Variants in SMAD2 observed in about 807,000 individuals in gnomAD.
SMAD2 encodes the protein MAD homolog 2.
A neutral mutation model predicts 64.4 loss-of-function variants in SMAD2; 8 were observed. The observed-to-expected ratio is 0.12, with a 90% CI of 0.07 to 0.22. SMAD2 has a LOEUF of 0.22. Ranked by LOEUF, SMAD2 falls within the 10% of genes least tolerant of loss-of-function variation. SMAD2 has a pLI of 1.00. For synonymous variants in SMAD2, 203 were observed against 195.8 expected, an observed-to-expected ratio of 1.04 and a Z score of -0.31; for missense variants, 289 against 561.2, an observed-to-expected ratio of 0.51 and a Z score of 4.90.
At chr18:47,848,329 C>T (rs1050618254) in intron 8 of SMAD2, 146 bp downstream of exon 8, 10 of 686,784 alleles carry the variant, frequency 1.5e-5, no homozygotes, top group Admixed American at 8.2e-5. Flanking sequence ...AGCAGTGAAG[C>T]CTGTGCACTT....
intron 6 of SMAD2, among the ~76,000 whole-genome samples, chr18:47,861,007 T>C (rs1255581880): frequency 1.3e-5 from 2 of 152,128 alleles, no homozygotes; most frequent in African/African-American, 2.4e-5. Context: ...CAACAGTTTA[T>C]TGTAGGTCTT....
At chr18:47,878,329 A>G (rs2032385539) in intron 2 of SMAD2, 2 of 152,250 alleles carry the variant, frequency 1.3e-5, no homozygotes, top group Admixed American at 1.3e-4. Context: ...AAGGTCTTTG[A>G]TGCTCATGTA....
chr18:47,868,180 T>C, intron 5 of SMAD2, 143 bp downstream of exon 5: 1 of 721,038 alleles, frequency 1.4e-6, no homozygotes. Flanking sequence ...TTTCACAAAA[T>C]AATCACCCAA....
chr18:47,819,093 T>G lies in SMAD2; in HGVS notation c.*22734A>C, dbSNP rs1003588839. Reference sequence around the variant, plus strand: ...GAATTCTATTCATCAAATAAATGAGTGCTAATACAAAATATATAGTAATTA... The same window carrying G: ...GAATTCTATTCATCAAATAAATGAGGGCTAATACAAAATATATAGTAATTA... On this transcript the variant is annotated 3_prime_UTR_variant, in exon 11 of 11. Transcript: ENST00000262160. 3.3e-5 allele frequency: 5 copies of G among 152,220 alleles called. No individual in the cohort carries two copies. The highest frequency in any genetic ancestry group is 1.2e-4 in the African/African-American group (5 of 41,456). The allele number at this position is 152,220 out of a possible 1,614,324, so 9.4% of individuals were successfully genotyped here.
chr18:47,928,697 T>C (rs1213300887), intron 1 of SMAD2, among the ~76,000 whole-genome samples: 2 of 152,238 alleles, frequency 1.3e-5, no homozygotes, highest in African/African-American at 4.8e-5. Context: ...GTTACAACCT[T>C]GAAAACCCAA....
chr18:47,841,577 A>G lies in SMAD2; in HGVS notation c.*250T>C. 2 of 529,058 alleles carry G rather than the reference A, an allele frequency of 3.8e-6. No individual in the cohort carries two copies. The highest frequency in any genetic ancestry group is 6.8e-6 in the Non-Finnish European group (2 of 292,286). The allele number at this position is 529,058 out of a possible 1,614,324, so 32.8% of individuals were successfully genotyped here. Reference sequence around the variant, plus strand: ...TTTGGGACACTCAGTTTTATGCCCAATAAGACATCATTAAGTCTTTAAAAT... The same window carrying G: ...TTTGGGACACTCAGTTTTATGCCCAGTAAGACATCATTAAGTCTTTAAAAT... On this transcript the variant is annotated 3_prime_UTR_variant, in exon 11 of 11. Transcript: ENST00000262160.
chr18:47,819,674 T>G lies in SMAD2; in HGVS notation c.*22153A>C. The G allele has an allele frequency of 6.6e-6, 1 of 151,798 alleles. No individual in the cohort carries two copies. 9.4% of individuals were successfully genotyped at this position (151,798 alleles called of 1,614,324 possible). The stretch of plus-strand genomic sequence containing the variant: ...GGCTGGGCGCGGTGGCGGGCGCCTG[T>G]AGTCCCAGCTACTCGGGAGGCTGAG... On this transcript the variant is annotated 3_prime_UTR_variant, in exon 11 of 11. Transcript: ENST00000262160.
In SMAD2 at chr18:47,835,616, G is replaced by C. The variant is rs1913345869; in HGVS notation, c.*6211C>G. 1 of 194,050 alleles carries C rather than the reference G, an allele frequency of 5.2e-6. No homozygotes were observed. The highest frequency in any genetic ancestry group is 6.1e-5 in the Admixed American group (1 of 16,402). 12.0% of individuals were successfully genotyped at this position (194,050 alleles called of 1,614,324 possible). A position where few individuals can be genotyped will look rare whatever the true frequency, so the allele number is the denominator to read the frequency against. ...TATAATAACAGCATTATAAAGGATA[G>C]AACTTAATATAGAACCAGAAATATG... is the stretch of plus-strand genomic sequence containing the variant. On this transcript the variant is annotated 3_prime_UTR_variant, in exon 11 of 11. Coordinates refer to ENST00000262160, the MANE Select transcript of SMAD2 (RefSeq NM_005901.6).
intron 8 of SMAD2, among the ~76,000 whole-genome samples, chr18:47,846,740 G>T (rs960562901): frequency 6.6e-6 from 1 of 152,134 alleles, no homozygotes; most frequent in Non-Finnish European, 1.5e-5. Context: ...ACACAAGCCA[G>T]CTGATACCTC....
At chr18:47,921,966 A>G (rs2034578982) in intron 1 of SMAD2, among the ~76,000 whole-genome samples, 1 of 152,248 alleles carries the variant, frequency 6.6e-6, no homozygotes, top group Non-Finnish European at 1.5e-5. Context: ...AACACTGAAG[A>G]AAGTATGATC....
intron 1 of SMAD2, among the ~76,000 whole-genome samples, chr18:47,903,175 G>A (rs1297112053): frequency 6.6e-6 from 1 of 152,132 alleles, no homozygotes. Context: ...ACATTGAGCT[G>A]CCAAGGGCTG....
chr18:47,882,041 C>CTTTTTTTTTTTTTTTTTTTTTTTTTTTT lies in SMAD2; in HGVS notation c.237-11478_237-11477insAAAAAAAAAAAAAAAAAAAAAAAAAAAA, dbSNP rs71162900. On this transcript the variant is annotated intron_variant, in intron 2 of 10. Coordinates refer to ENST00000262160, the MANE Select transcript of SMAD2 (RefSeq NM_005901.6). ...CACAGGAATGTACTACCACGCTTGG[C>CTTTTTTTTTTTTTTTTTTTTTTTTTTTT]TTTTTTTTTTTTTTTTTTTTTTTTT... Among the ~76,000 whole-genome samples the CTTTTTTTTTTTTTTTTTTTTTTTTTTTT allele has an allele frequency of 8.2e-4, 32 of 38,866 alleles. 4 individuals carry two copies. The highest frequency in any genetic ancestry group is 1.3e-3 in the South Asian group (1 of 774). 25.5% of individuals were successfully genotyped at this position (38,866 alleles called of 152,430 possible).
At chr18:47,919,878 G>A (rs1328964428) in intron 1 of SMAD2, among the ~76,000 whole-genome samples, 1 of 152,148 alleles carries the variant, frequency 6.6e-6, no homozygotes, top group African/African-American at 2.4e-5. Flanking sequence ...TCTTATGTTA[G>A]TACATGTTTA....
At chr18:47,872,073 A>G (rs1345157886) in intron 2 of SMAD2, among the ~76,000 whole-genome samples, 4 of 152,234 alleles carry the variant, frequency 2.6e-5, no homozygotes, top group Admixed American at 1.3e-4. Flanking sequence ...GAAAGGAATC[A>G]GAGAAGAATA....
At chr18:47,841,999 C>G (rs796427422) in intron 10 of SMAD2, 49 bp from the exon 11 acceptor site, 11 of 1,605,054 alleles carry the variant, frequency 6.9e-6, no homozygotes, top group Non-Finnish European at 9.4e-6. Flanking sequence ...AGTCCACAGG[C>G]AGGGAAAATG....
At position 47,848,946 on chromosome 18, in the gene SMAD2, G is replaced by A. The variant is rs768920040; in HGVS notation, c.785-259C>T. Among the ~76,000 whole-genome samples the A allele has an allele frequency of 4.5e-4, 68 of 151,982 alleles. 1 individual carries two copies. The highest frequency in any genetic ancestry group is 4.6e-4 in the Non-Finnish European group (31 of 68,000). Reference sequence around the variant, plus strand: ...CATGTCATTAAATCACTTTATGTTGGATTCTTTGTTTTACCAGTAGTTTTA... The same window carrying A: ...CATGTCATTAAATCACTTTATGTTGAATTCTTTGTTTTACCAGTAGTTTTA... On this transcript the variant is annotated intron_variant, in intron 7 of 10. Transcript: ENST00000262160.
Position 47,820,523 on chromosome 18 carries a change from G to A in SMAD2, c.*21304C>T, listed in dbSNP as rs1170907224. The A allele has an allele frequency of 6.6e-6, 1 of 152,070 alleles. No individual in the cohort carries two copies. Among genetic ancestry groups the A allele is most frequent in the African/African-American group, 2.4e-5 (1 of 41,422 alleles). The allele number at this position is 152,070 out of a possible 1,614,324, so 9.4% of individuals were successfully genotyped here. On this transcript the variant is annotated 3_prime_UTR_variant, in exon 11 of 11. Transcript: ENST00000262160. ...AGTAGGAGGAGGAGAGAAATATGAA[G>A]GAAGTTAATGGGTGTGAGAATGTAC...
At chr18:47,899,869 C>T (rs1203974776) in intron 1 of SMAD2, among the ~76,000 whole-genome samples, 1 of 152,012 alleles carries the variant, frequency 6.6e-6, no homozygotes, top group Admixed American at 6.6e-5. Context: ...TCAATATTTG[C>T]AAAAAGTAAC....
At position 47,917,540 on chromosome 18, in the gene SMAD2, T is replaced by A. The variant is rs1027946972; in HGVS notation, c.-54+12821A>T. ...ACCTATGCATTTTTCTTTTCTTTTT[T>A]CTTCTTCCCTGCCTTATACTGGAGT... On this transcript the variant is annotated intron_variant, in intron 1 of 10. Coordinates refer to ENST00000262160, the MANE Select transcript of SMAD2 (RefSeq NM_005901.6). Among the ~76,000 whole-genome samples, 9 of 152,316 alleles carry A rather than the reference T, an allele frequency of 5.9e-5. No homozygotes were observed. The East Asian group carries it at 1.7e-3, about 29-fold the overall frequency.
Sources: allele counts gnomAD v4.1 joint callset (sites outside exome capture counted in the v4.1 genomes callset), GRCh38; gene constraint gnomAD v4.1.1; transcripts MANE v1.5; gene names NCBI Gene and HGNC (gene_info 2026-07-23, HGNC 2026-07-21).